TRNT1: variants seen among roughly 807,000 people sequenced by gnomAD.
TRNT1 encodes the protein CCA tRNA nucleotidyltransferase 1, mitochondrial.
In TRNT1, 44 loss-of-function variants were observed where a neutral mutation model predicts 45.6. That is an observed-to-expected ratio of 0.97 (90% CI 0.76 to 1.24). The LOEUF is 1.24. TRNT1 is among the 50% of genes most tolerant of loss of function. The probability of loss-of-function intolerance (pLI) is 0.00; values close to 1 mark genes in which losing one functional copy is unlikely to be tolerated. For missense variants in TRNT1, 633 were observed against 504.4 expected (o/e 1.25, Z -2.44); for synonymous variants, 201 against 171.4 (o/e 1.17, Z -1.35).
intron 4 of TRNT1, among the ~76,000 whole-genome samples, chr3:3,143,318 C>A (rs1473610943): frequency 6.6e-6 from 1 of 152,172 alleles, no homozygotes; most frequent in Non-Finnish European, 1.5e-5. Flanking sequence ...GGTCACTCTA[C>A]TAATTAATAC....
At chr3:3,138,600 G>C (rs1705464332) in intron 3 of TRNT1, among the ~76,000 whole-genome samples, 1 of 151,994 alleles carries the variant, frequency 6.6e-6, no homozygotes, top group African/African-American at 2.4e-5. Context: ...GGATTGCTGG[G>C]ACTGACCTTC....
At chr3:3,152,486 C>G (rs573677293), downstream of TRNT1, 14 of 1,613,782 alleles carry the variant, frequency 8.7e-6, no homozygotes, top group Middle Eastern at 3.3e-4. Context: ...TGTAGAAGGC[C>G]GGCCTATCAG....
intron 4 of TRNT1, among the ~76,000 whole-genome samples, chr3:3,141,464 G>T (rs1003259758): frequency 6.6e-6 from 1 of 152,144 alleles, no homozygotes; most frequent in Admixed American, 6.5e-5. Context: ...TTACTGCTGA[G>T]CCTACACACA....
intron 1 of TRNT1, among the ~76,000 whole-genome samples, chr3:3,128,598 CAAAAAAAAAA>C (rs111647168): frequency 4.2e-5 from 4 of 96,108 alleles, no homozygotes; most frequent in South Asian, 5.6e-4. Context: ...GACTCCATCT[CAAAAAAAAAA>C]AAAAAAAAAA....
At position 3,129,986 on chromosome 3, in the gene TRNT1, A is replaced by G. The variant is rs893287174; in HGVS notation, c.148+798A>G. ...GAGTTGCCTCCATTGTGCACGTTGCAAAACCTGTCTGGAAGGAGCATAGGA... is the reference window on the plus strand; with the variant it reads ...GAGTTGCCTCCATTGTGCACGTTGCGAAACCTGTCTGGAAGGAGCATAGGA... On this transcript the variant is annotated intron_variant, in intron 2 of 7. Transcript: ENST00000251607. The G allele has an allele frequency of 3.2e-6, 5 of 1,549,912 alleles. No individual in the cohort carries two copies. In the African/African-American group the frequency reaches 6.9e-5, roughly 21 times the overall value.
rs759014131 is a variant in TRNT1 at position 3,129,130 on chromosome 3, G to T, written c.90G>T (p.Met30Ile). 6.2e-7 allele frequency: 1 copy of T among 1,614,088 alleles called. No homozygotes were observed. The highest frequency in any genetic ancestry group is 8.5e-7 in the Non-Finnish European group (1 of 1,179,924). Residue 30 changes from methionine (M) to isoleucine (I), a missense_variant, in exon 2 of 8, where the codon ATG becomes ATT. Physicochemically the swap from Met to Ile is conservative, Grantham distance 10. Coordinates refer to ENST00000251607, the MANE Select transcript of TRNT1 (RefSeq NM_182916.3). ...LCLPKQYLFTMKLQSPEFQSL... is the reference protein window; with the variant it reads ...LCLPKQYLFTIKLQSPEFQSL... ...TTCCGAAGCAGTATCTATTCACAAT[G>T]AAGTTGCAGTCTCCCGAATTCCAGT... is the stretch of plus-strand genomic sequence containing the variant.
intron 6 of TRNT1, among the ~76,000 whole-genome samples, chr3:3,146,838 A>T (rs1468795578): frequency 1.3e-5 from 2 of 152,216 alleles, no homozygotes; most frequent in African/African-American, 4.8e-5. Context: ...GTCTCTAGTC[A>T]GACCTAGGTT....
At chr3:3,132,731 G>GAAAAAAAAAAAAAAAA (rs369384116) in intron 2 of TRNT1, among the ~76,000 whole-genome samples, 13 of 88,964 alleles carry the variant, frequency 1.5e-4, no homozygotes, top group Admixed American at 3.8e-4. Flanking sequence ...CCTATTGAAG[G>GAAAAAAAAAAAAAAAA]AAAAAAAAAA....
chr3:3,152,674 G>T (rs1490686587), downstream of TRNT1: 3 of 1,487,754 alleles, frequency 2.0e-6, no homozygotes, highest in African/African-American at 2.8e-5. Context: ...AGTTCACCAA[G>T]AAATGAGGTA....
intron 1 of TRNT1, chr3:3,127,415 C>T (rs1428168710): frequency 6.6e-6 from 1 of 152,272 alleles, no homozygotes; most frequent in African/African-American, 2.4e-5. Flanking sequence ...CTCCTCCACC[C>T]GCTTCCGTGG....
intron 5 of TRNT1, chr3:3,145,187 GAATC>G (rs1705917868): frequency 6.6e-6 from 1 of 152,572 alleles, no homozygotes; most frequent in Non-Finnish European, 1.5e-5. Context: ...ATGATTTAAA[GAATC>G]AAAGCATAAA....
chr3:3,141,283 A>G (rs753888586), intron 4 of TRNT1, among the ~76,000 whole-genome samples: 1 of 152,166 alleles, frequency 6.6e-6, no homozygotes, highest in Non-Finnish European at 1.5e-5. Context: ...TATAAACATG[A>G]TTTCAGGGAA....
chr3:3,139,166 G>A (rs1289461584), intron 3 of TRNT1, among the ~76,000 whole-genome samples: 1 of 152,120 alleles, frequency 6.6e-6, no homozygotes, highest in Non-Finnish European at 1.5e-5. Flanking sequence ...ATTTTTGGTT[G>A]AACCTTTCTA....
downstream of TRNT1, chr3:3,149,623 AC>A (rs1706339795): frequency 6.6e-6 from 1 of 152,164 alleles, no homozygotes; most frequent in African/African-American, 2.4e-5. Flanking sequence ...AACAAACCAG[AC>A]CAGTGAAGTC....
intron 2 of TRNT1, chr3:3,129,819 CTG>C (rs1158673958): frequency 1.6e-5 from 25 of 1,517,050 alleles, no homozygotes; most frequent in South Asian, 2.4e-5. Context: ...AGTGCTTTGC[CTG>C]TGTTTCTGTA....
chr3:3,141,930 A>G (rs1356887202), intron 4 of TRNT1, among the ~76,000 whole-genome samples: 1 of 152,122 alleles, frequency 6.6e-6, no homozygotes, highest in East Asian at 1.9e-4. Flanking sequence ...TCTCAGAAAA[A>G]CTTCATAAAG....
chr3:3,146,032 T>G (rs956662246), intron 5 of TRNT1, among the ~76,000 whole-genome samples: 1 of 150,980 alleles, frequency 6.6e-6, no homozygotes, highest in East Asian at 1.9e-4. Flanking sequence ...ACTACTCTGT[T>G]AAGGCACTGC....
At chr3:3,149,948 G>GCAGCCTTTTTAGAACTTTA (rs1249672338), downstream of TRNT1, 2 of 152,124 alleles carry the variant, frequency 1.3e-5, no homozygotes, top group African/African-American at 4.8e-5. Context: ...AGGTGGCAAA[G>GCAGCCTTTTTAGAACTTTA]CAGCCTTTTT....
intron 4 of TRNT1, among the ~76,000 whole-genome samples, chr3:3,141,717 C>T (rs74588129): frequency 3.9e-5 from 6 of 152,148 alleles, no homozygotes; most frequent in Non-Finnish European, 8.8e-5. Context: ...GATGAAACAT[C>T]CACTGTTCAT....
Sources: allele counts gnomAD v4.1 joint callset (sites outside exome capture counted in the v4.1 genomes callset), GRCh38; gene constraint gnomAD v4.1.1; transcripts MANE v1.5; gene names NCBI Gene and HGNC (gene_info 2026-07-23, HGNC 2026-07-21).